The following OCIAD1 variants were observed in gnomAD, a reference collection of about 807,000 sequenced individuals.
OCIAD1 encodes OCIA domain-containing protein 1.
Under a neutral mutation model 38.9 loss-of-function variants are expected in OCIAD1, and 29 were observed. The observed-to-expected ratio is 0.74, with a 90% CI of 0.55 to 1.02. The LOEUF (loss-of-function observed/expected upper bound fraction) is 1.02. Ranked by LOEUF, OCIAD1 falls within the 50% of genes least tolerant of loss-of-function variation. The pLI is 0.00. For synonymous variants in OCIAD1, 110 were observed against 92.0 expected (o/e 1.20, Z -1.12); for missense variants, 288 against 289.6 (o/e 0.99, Z 0.04).
chr4:48,857,323 C>A lies in OCIAD1; in HGVS notation c.658C>A (p.Pro220Thr). 6.3e-7 allele frequency: 1 copy of A among 1,592,380 alleles called. No homozygotes were observed. Among genetic ancestry groups the A allele is most frequent in the South Asian group, 1.1e-5 (1 of 87,430 alleles). Reference sequence around the variant, plus strand: ...AGTATCTTTAACACAAAAGACTGACCCCTCAGTCAGGCCTATGCATGAAAG... The same window carrying A: ...AGTATCTTTAACACAAAAGACTGACACCTCAGTCAGGCCTATGCATGAAAG... ...YEVSLTQKTD[P>T]SVRPMHERVP... is the part of the protein sequence containing the mutation. Residue 220 changes from proline to threonine, a missense_variant, in exon 8 of 9, where the codon CCC becomes ACC. Transcript: ENST00000264312.
chr4:48,833,033 C>A (rs571294258), intron 2 of OCIAD1, among the ~76,000 whole-genome samples: 1 of 152,064 alleles, frequency 6.6e-6, no homozygotes, highest in African/African-American at 2.4e-5. Flanking sequence ...GGTGGAACAC[C>A]TGAGGTCAGG....
chr4:48,826,257 C>T (rs188733134), upstream of OCIAD1, among the ~76,000 whole-genome samples: 1 of 152,094 alleles, frequency 6.6e-6, no homozygotes, highest in African/African-American at 2.4e-5. Flanking sequence ...CACCCATTAA[C>T]TCATAATTTA....
chr4:48,835,721 C>T (rs1777921657), intron 3 of OCIAD1, among the ~76,000 whole-genome samples: 2 of 152,306 alleles, frequency 1.3e-5, no homozygotes, highest in Admixed American at 1.3e-4. Context: ...AAGCATGAGC[C>T]ACTGAACCTG....
rs1248405788 is a variant in OCIAD1 at position 48,848,862 on chromosome 4, C to T, written c.241+416C>T. On this transcript the variant is annotated intron_variant, in intron 5 of 8. Transcript: ENST00000264312. ...AATGTAAATAAGCATAACTTATTTA[C>T]ACATTGCAATATAGTTAATAGAAAA... 2.0e-5 allele frequency among the ~76,000 whole-genome samples: 3 copies of T among 152,040 alleles called. No homozygotes were observed. The South Asian group carries it at 6.2e-4, about 32-fold the overall frequency.
chr4:48,817,653 A>G (rs1278670993), intron 1 of OCIAD1, among the ~76,000 whole-genome samples: 2 of 152,240 alleles, frequency 1.3e-5, no homozygotes, highest in Non-Finnish European at 2.9e-5. Context: ...ACTTCCATGG[A>G]GCCGAGCAAG....
chr4:48,852,019 AC>A (rs1560437211), intron 7 of OCIAD1, 44 bp downstream of exon 7: 1 of 1,477,690 alleles, frequency 6.8e-7, no homozygotes, highest in Admixed American at 1.9e-5. Flanking sequence ...TTATGGTCCA[AC>A]GTATGTATAA....
At chr4:48,836,732 A>C (rs981121123) in intron 3 of OCIAD1, among the ~76,000 whole-genome samples, 3 of 152,208 alleles carry the variant, frequency 2.0e-5, no homozygotes, top group Non-Finnish European at 4.4e-5. Flanking sequence ...CTCTGATAGA[A>C]TCTTTGTCAT....
intron 7 of OCIAD1, chr4:48,856,070 G>A (rs1212722689): frequency 6.6e-6 from 1 of 151,748 alleles, no homozygotes; most frequent in Non-Finnish European, 1.5e-5. Context: ...TTCACTGAAT[G>A]TTAGCATCTT....
chr4:48,829,693 A>G, upstream of OCIAD1, among the ~76,000 whole-genome samples: 1 of 152,210 alleles, frequency 6.6e-6, no homozygotes, highest in East Asian at 1.9e-4. Context: ...AGTGGTCTAG[A>G]AGAGGGAACA....
At chr4:48,816,308 G>A (rs1404959006) in intron 1 of OCIAD1, among the ~76,000 whole-genome samples, 3 of 152,124 alleles carry the variant, frequency 2.0e-5, no homozygotes, top group South Asian at 2.1e-4. Flanking sequence ...TCTATATAGC[G>A]CTTAGTTGAT....
rs762963343 is a variant in OCIAD1 at position 48,858,110 on chromosome 4, C to T, written c.700+745C>T. 9.7e-4 allele frequency among the ~76,000 whole-genome samples: 148 copies of T among 152,206 alleles called. 8 individuals carry two copies. Among genetic ancestry groups the T allele is most frequent in the Non-Finnish European group, 4.1e-4 (28 of 68,000 alleles). On this transcript the variant is annotated intron_variant, in intron 8 of 8. Coordinates refer to ENST00000264312, the MANE Select transcript of OCIAD1 (RefSeq NM_017830.4). ...CAGAGGTTGCAGTGAACCGACATCA[C>T]GCCACTGCACTGCAGCCTGGATGAC...
intron 1 of OCIAD1, among the ~76,000 whole-genome samples, chr4:48,822,435 A>G (rs1777203605): frequency 6.6e-6 from 1 of 152,254 alleles, no homozygotes; most frequent in African/African-American, 2.4e-5. Flanking sequence ...CCCAAATCAT[A>G]AAAACCTTAG....
intron 1 of OCIAD1, among the ~76,000 whole-genome samples, chr4:48,814,294 A>G (rs965623190): frequency 6.6e-6 from 1 of 151,578 alleles, no homozygotes; most frequent in African/African-American, 2.4e-5. Context: ...TGTCCAAGAA[A>G]GAAAAGCAGA....
At chr4:48,842,324 AT>A (rs1778609620) in intron 3 of OCIAD1, among the ~76,000 whole-genome samples, 2 of 152,178 alleles carry the variant, frequency 1.3e-5, no homozygotes, top group South Asian at 4.1e-4. Flanking sequence ...TTCAGAAGTA[AT>A]TTTGAGTCAC....
chr4:48,832,462 A>G (rs1258171478), intron 1 of OCIAD1, among the ~76,000 whole-genome samples, 158 bp from the exon 2 acceptor site: 1 of 152,174 alleles, frequency 6.6e-6, no homozygotes, highest in Non-Finnish European at 1.5e-5. Flanking sequence ...TCATCTAGCT[A>G]TTTACATGTG....
chr4:48,841,996 G>A (rs1778576289), intron 3 of OCIAD1, among the ~76,000 whole-genome samples: 1 of 152,016 alleles, frequency 6.6e-6, no homozygotes, highest in East Asian at 1.9e-4. Context: ...TTGTATTTTG[G>A]TTTAGATGGT....
intron 7 of OCIAD1, 140 bp from the exon 8 acceptor site, chr4:48,857,073 C>A: frequency 2.5e-6 from 1 of 403,178 alleles, no homozygotes; most frequent in Middle Eastern, 6.9e-4. Context: ...AAGTATAGTA[C>A]CTGTGAAATG....
intron 8 of OCIAD1, 29 bp from the exon 9 acceptor site, chr4:48,860,696 A>G: frequency 1.3e-6 from 2 of 1,502,900 alleles, no homozygotes; most frequent in Non-Finnish European, 9.3e-7. Context: ...ATTGCTTGGA[A>G]TCATCAATTA....
At chr4:48,819,716 CA>C (rs576081813) in intron 1 of OCIAD1, among the ~76,000 whole-genome samples, 34 of 10,452 alleles carry the variant, frequency 3.3e-3, no homozygotes, top group African/African-American at 7.5e-3. Flanking sequence ...TTACCAAGCG[CA>C]AAAAAAAAAA....
Sources: gnomAD v4.1 joint callset for allele counts (sites outside exome capture counted in the v4.1 genomes callset) on GRCh38, gnomAD v4.1.1 for gene constraint, MANE v1.5 for transcripts, NCBI Gene and HGNC (gene_info 2026-07-23, HGNC 2026-07-21) for gene names.